SRGAP3: variants seen among roughly 807,000 people sequenced by gnomAD.
The protein encoded by SRGAP3 is SLIT-ROBO Rho GTPase activating protein 3.
Under a neutral mutation model 121.1 loss-of-function variants are expected in SRGAP3, and 39 were observed. That is an observed-to-expected ratio of 0.32 (90% CI 0.25 to 0.42). The LOEUF is 0.42. SRGAP3 is among the 10% of genes least tolerant of loss of function. SRGAP3 has a pLI of 1.00. For missense variants in SRGAP3, 1,213 were observed against 1,470.6 expected, an observed-to-expected ratio of 0.82 and a Z score of 2.86; for synonymous variants, 601 against 570.0, an observed-to-expected ratio of 1.05 and a Z score of -0.77.
intron 1 of SRGAP3, among the ~76,000 whole-genome samples, chr3:9,204,348 G>T (rs1027282880): frequency 6.6e-6 from 1 of 152,202 alleles, no homozygotes; most frequent in Non-Finnish European, 1.5e-5. Context: ...AGAGCATGAA[G>T]AGAGTTCGGA....
intron 1 of SRGAP3, among the ~76,000 whole-genome samples, chr3:9,354,912 T>C (rs1365864018): frequency 6.6e-6 from 1 of 152,190 alleles, no homozygotes; most frequent in Non-Finnish European, 1.5e-5. Context: ...ATGTTACCTG[T>C]CTCAAACTGG....
chr3:9,346,726 G>C (rs1445440121), intron 1 of SRGAP3, among the ~76,000 whole-genome samples: 1 of 149,842 alleles, frequency 6.7e-6, no homozygotes, highest in Non-Finnish European at 1.5e-5. Flanking sequence ...GGAGGAACAA[G>C]AATAGAGCAA....
Position 9,214,205 on chromosome 3 carries a change from A to G in SRGAP3, c.67+34680T>C, listed in dbSNP as rs554401090. Among the ~76,000 whole-genome samples, 6 of 152,224 alleles carry G rather than the reference A, an allele frequency of 3.9e-5. 1 individual carries two copies. In the South Asian group the frequency reaches 1.2e-3, roughly 32 times the overall value. ...CACGATCACTGGTAACCAGAACACA[A>G]CAGAAGCTTAATAAATATTTTCTGA... On this transcript the variant is annotated intron_variant, in intron 1 of 21. Coordinates refer to ENST00000383836, the MANE Select transcript of SRGAP3 (RefSeq NM_014850.4).
chr3:9,327,797 C>A (rs1177582711), intron 2 of SRGAP3, among the ~76,000 whole-genome samples: 1 of 152,192 alleles, frequency 6.6e-6, no homozygotes, highest in Non-Finnish European at 1.5e-5. Context: ...TTCATAAATT[C>A]TTTCATGACT....
chr3:9,105,651 T>G (rs1948395454), intron 2 of SRGAP3, among the ~76,000 whole-genome samples: 1 of 152,170 alleles, frequency 6.6e-6, no homozygotes. Flanking sequence ...TACCAAGCCC[T>G]CCAGGGGATT....
intron 1 of SRGAP3, among the ~76,000 whole-genome samples, chr3:9,137,586 G>C (rs1026737808): frequency 2.0e-5 from 3 of 152,218 alleles, no homozygotes; most frequent in African/African-American, 7.2e-5. Flanking sequence ...TAGGGAATTA[G>C]CATTGGATAT....
chr3:9,262,534 CAA>C (rs765408588), intron 3 of SRGAP3, among the ~76,000 whole-genome samples: 68 of 25,564 alleles, frequency 2.7e-3, no homozygotes, highest in African/African-American at 8.0e-3. Context: ...AAATGGAAAG[CAA>C]AAAAAAAAAA....
At chr3:9,004,570 A>G (rs1467024586) in intron 18 of SRGAP3, among the ~76,000 whole-genome samples, 2 of 152,234 alleles carry the variant, frequency 1.3e-5, no homozygotes, top group Admixed American at 1.3e-4. Context: ...ACAGAGATAG[A>G]CATATTGGTC....
At chr3:9,010,810 A>G (rs383563) in intron 17 of SRGAP3, among the ~76,000 whole-genome samples, 90,002 of 152,028 alleles carry the variant, frequency 0.59, 27,130 homozygotes, top group South Asian at 0.69. Context: ...CTGAGGTGAC[A>G]TATCCCAGGA....
intron 1 of SRGAP3, among the ~76,000 whole-genome samples, chr3:9,225,930 A>G (rs1952973414): frequency 6.6e-6 from 1 of 152,194 alleles, no homozygotes; most frequent in Non-Finnish European, 1.5e-5. Flanking sequence ...TCCATATTTT[A>G]TACAAAATCT....
intron 1 of SRGAP3, among the ~76,000 whole-genome samples, chr3:9,196,791 C>T (rs1415104208): frequency 6.6e-6 from 1 of 152,004 alleles, no homozygotes; most frequent in African/African-American, 2.4e-5. Context: ...CAAACTAGTC[C>T]AATACTCTTA....
chr3:9,280,692 G>C (rs932091531), intron 3 of SRGAP3, among the ~76,000 whole-genome samples: 1 of 152,200 alleles, frequency 6.6e-6, no homozygotes, highest in African/African-American at 2.4e-5. Flanking sequence ...CTATGACTCT[G>C]CAATGCCGGA....
chr3:9,266,261 T>C (rs75802503), intron 3 of SRGAP3, among the ~76,000 whole-genome samples: 1 of 151,932 alleles, frequency 6.6e-6, no homozygotes, highest in Non-Finnish European at 1.5e-5. Context: ...TTAGGAGAAA[T>C]ACCTAATGTA....
chr3:9,271,037 A>T (rs1343067404), intron 3 of SRGAP3, among the ~76,000 whole-genome samples: 5 of 152,154 alleles, frequency 3.3e-5, no homozygotes, highest in Non-Finnish European at 7.4e-5. Flanking sequence ...TCAAATGCCT[A>T]AAGTGTTGGC....
chr3:9,244,268 G>A (rs530678173), intron 1 of SRGAP3, among the ~76,000 whole-genome samples: 19 of 152,190 alleles, frequency 1.2e-4, no homozygotes, highest in African/African-American at 3.9e-4. Context: ...TATACTTTGT[G>A]TCTCTCACAA....
intron 2 of SRGAP3, among the ~76,000 whole-genome samples, chr3:9,106,539 G>T (rs1321686474): frequency 6.6e-6 from 1 of 152,128 alleles, no homozygotes; most frequent in Non-Finnish European, 1.5e-5. Flanking sequence ...ATCTCAACTT[G>T]AATTGTATCT....
intron 3 of SRGAP3, among the ~76,000 whole-genome samples, chr3:9,083,772 C>G (rs1465149890): frequency 6.6e-6 from 1 of 152,156 alleles, no homozygotes; most frequent in Non-Finnish European, 1.5e-5. Context: ...AGAATTCCCT[C>G]CAGCCTTCCC....
chr3:9,263,500 G>A (rs1954293761), intron 3 of SRGAP3, among the ~76,000 whole-genome samples: 1 of 152,062 alleles, frequency 6.6e-6, no homozygotes, highest in Non-Finnish European at 1.5e-5. Flanking sequence ...AGAAAAGAGA[G>A]ATGAATCAAA....
intron 9 of SRGAP3, among the ~76,000 whole-genome samples, 185 bp from the exon 10 acceptor site, chr3:9,047,660 C>T (rs561409680): frequency 2.0e-5 from 3 of 152,350 alleles, no homozygotes; most frequent in South Asian, 4.1e-4. Flanking sequence ...AGAACCCCAG[C>T]GCTGACAGGC....
Sources: gnomAD v4.1 joint callset for allele counts (sites outside exome capture counted in the v4.1 genomes callset) on GRCh38, gnomAD v4.1.1 for gene constraint, MANE v1.5 for transcripts, NCBI Gene and HGNC (gene_info 2026-07-23, HGNC 2026-07-21) for gene names.